The following PPP2R5E variants were observed in gnomAD, a reference collection of about 807,000 sequenced individuals.
The protein encoded by PPP2R5E is serine/threonine-protein phosphatase 2A 56 kDa regulatory subunit epsilon isoform.
A neutral mutation model predicts 65.3 loss-of-function variants in PPP2R5E; 4 were observed. The ratio of observed to expected loss-of-function variants is 0.06; its 90% CI spans 0.03 to 0.14. PPP2R5E has a LOEUF of 0.14. Ranked by LOEUF, PPP2R5E falls within the 10% of genes least tolerant of loss-of-function variation. The probability of loss-of-function intolerance (pLI) is 1.00; values close to 1 mark genes in which losing one functional copy is unlikely to be tolerated. For missense variants in PPP2R5E, 274 were observed against 556.1 expected, an observed-to-expected ratio of 0.49 and a Z score of 5.10; for synonymous variants, 183 against 187.4, an observed-to-expected ratio of 0.98 and a Z score of 0.19.
chr14:63,415,780 C>T (rs1485487010), intron 4 of PPP2R5E, among the ~76,000 whole-genome samples: 1 of 152,054 alleles, frequency 6.6e-6, no homozygotes, highest in African/African-American at 2.4e-5. Flanking sequence ...TTTAACCAAC[C>T]TCCCAGGCTT....
At chr14:63,489,020 C>T (rs1360269382) in intron 2 of PPP2R5E, among the ~76,000 whole-genome samples, 1 of 151,864 alleles carries the variant, frequency 6.6e-6, no homozygotes, top group Non-Finnish European at 1.5e-5. Context: ...AAATGGAAAC[C>T]CAGAGGCGTT....
intron 5 of PPP2R5E, among the ~76,000 whole-genome samples, chr14:63,400,529 T>C (rs545551033): frequency 1.3e-5 from 2 of 152,228 alleles, no homozygotes; most frequent in South Asian, 4.1e-4. Context: ...AGCAATACAA[T>C]AAATACATAC....
intron 3 of PPP2R5E, chr14:63,452,836 T>C (rs2139475433): frequency 6.6e-6 from 1 of 152,364 alleles, no homozygotes; most frequent in Middle Eastern, 3.4e-3. Flanking sequence ...GCCAGGCAGA[T>C]GTTCCGCAGT....
chr14:63,453,771 G>C lies in PPP2R5E; in HGVS notation c.272C>G (p.Ser91Cys). 6.2e-7 allele frequency: 1 copy of C among 1,612,658 alleles called. No individual in the cohort carries two copies. The highest frequency in any genetic ancestry group is 8.5e-7 in the Non-Finnish European group (1 of 1,179,638). Residue 91 changes from serine to cysteine, a missense_variant, in exon 3 of 14, where the codon TCC becomes TGC. By Grantham distance (112) the Ser-to-Cys change is moderately radical. This residue lies in a region of PPP2R5E where 51 missense variants were observed against 101.1 expected (regional missense o/e 0.50). Coordinates refer to ENST00000337537, the MANE Select transcript of PPP2R5E (RefSeq NM_006246.5). ...GTAGTCCACCAGTTCATTAAGAGTG[G>C]AGCGCTTGTATTCTTTCATTTTAAG... is the stretch of plus-strand genomic sequence containing the variant. ...SDLKMKEYKR[S>C]TLNELVDYIT...
chr14:63,469,903 G>A (rs1890031997), intron 2 of PPP2R5E, among the ~76,000 whole-genome samples: 1 of 152,116 alleles, frequency 6.6e-6, no homozygotes, highest in Admixed American at 6.5e-5. Flanking sequence ...TTATTATTCT[G>A]GGTCAATGGC....
At chr14:63,483,908 C>A (rs1011658111) in intron 2 of PPP2R5E, among the ~76,000 whole-genome samples, 4 of 151,990 alleles carry the variant, frequency 2.6e-5, no homozygotes, top group African/African-American at 9.7e-5. Context: ...TATGGTGAAA[C>A]CCTGTCTCTA....
chr14:63,387,813 A>T (rs57257938), intron 11 of PPP2R5E, among the ~76,000 whole-genome samples: 11,628 of 152,234 alleles, frequency 0.076, 1,493 homozygotes, highest in African/African-American at 0.26. Flanking sequence ...GGTCCTAACC[A>T]GATAATACAG....
chr14:63,458,066 T>C (rs927593944), intron 2 of PPP2R5E, among the ~76,000 whole-genome samples: 1 of 152,196 alleles, frequency 6.6e-6, no homozygotes, highest in Non-Finnish European at 1.5e-5. Context: ...ACCTCCAAGG[T>C]GTTCATTACA....
At chr14:63,493,819 C>G (rs28520636) in intron 2 of PPP2R5E, among the ~76,000 whole-genome samples, 24 of 151,898 alleles carry the variant, frequency 1.6e-4, no homozygotes, top group African/African-American at 5.8e-4. Flanking sequence ...ACTAATTTAG[C>G]TTGTAAACTT....
intron 5 of PPP2R5E, among the ~76,000 whole-genome samples, chr14:63,399,465 C>T (rs1206575930): frequency 7.0e-6 from 1 of 143,540 alleles, no homozygotes; most frequent in Non-Finnish European, 1.5e-5. Flanking sequence ...CTGAAACCTC[C>T]GCCTTCCGGG....
At chr14:63,463,861 G>T (rs1288133365) in intron 2 of PPP2R5E, among the ~76,000 whole-genome samples, 2 of 152,172 alleles carry the variant, frequency 1.3e-5, no homozygotes, top group African/African-American at 4.8e-5. Flanking sequence ...CTCCCAAAGT[G>T]CTGGGATTAC....
In PPP2R5E at chr14:63,383,834, A is replaced by G. The variant is rs74060067; in HGVS notation, c.1202+610T>C. Among the ~76,000 whole-genome samples the G allele has an allele frequency of 3.3e-3, 502 of 152,270 alleles. 1 individual carries two copies. The highest frequency in any genetic ancestry group is 0.012 in the African/African-American group (488 of 41,554). On this transcript the variant is annotated intron_variant, in intron 12 of 13. Transcript: ENST00000337537. ...TCCTTTCCAAGAGATACATATAGCG[A>G]CTGAGTTGGCTGTTAAATAGATCAC...
chr14:63,447,194 T>G (rs1256323819), intron 3 of PPP2R5E, among the ~76,000 whole-genome samples: 1 of 152,238 alleles, frequency 6.6e-6, no homozygotes, highest in Admixed American at 6.5e-5. Flanking sequence ...GCTTTGGCAC[T>G]GATTTCTCCT....
intron 4 of PPP2R5E, among the ~76,000 whole-genome samples, chr14:63,418,347 C>G (rs934791339): frequency 2.6e-5 from 4 of 152,158 alleles, no homozygotes; most frequent in African/African-American, 9.7e-5. Flanking sequence ...TGGCAAAGTG[C>G]TCTCTCCTCT....
chr14:63,382,925 A>ATATG (rs913632909), intron 12 of PPP2R5E, among the ~76,000 whole-genome samples: 40 of 152,012 alleles, frequency 2.6e-4, no homozygotes, highest in African/African-American at 7.5e-4. Context: ...TTATATATAT[A>ATATG]TGTGTATATA....
chr14:63,420,158 G>A (rs558316527), intron 4 of PPP2R5E, among the ~76,000 whole-genome samples: 51 of 152,146 alleles, frequency 3.4e-4, no homozygotes, highest in African/African-American at 1.1e-3. Context: ...GTCTTCTTTC[G>A]AATACAGAGA....
intron 4 of PPP2R5E, among the ~76,000 whole-genome samples, chr14:63,418,878 G>A (rs540929913): frequency 2.6e-3 from 318 of 123,334 alleles, no homozygotes; most frequent in African/African-American, 8.7e-3. Flanking sequence ...AGATGGTCTC[G>A]CTCTGTTGCC....
At chr14:63,522,762 G>A (rs1892990160) in intron 2 of PPP2R5E, among the ~76,000 whole-genome samples, 1 of 150,678 alleles carries the variant, frequency 6.6e-6, no homozygotes, top group Non-Finnish European at 1.5e-5. Context: ...CGCCCCGTCT[G>A]AGAAGTGAGG....
intron 3 of PPP2R5E, chr14:63,452,992 G>A (rs956395082): frequency 6.6e-6 from 1 of 152,154 alleles, no homozygotes; most frequent in African/African-American, 2.4e-5. Flanking sequence ...CCAGCTCCAA[G>A]ATCTTCTGGG....
Sources: gnomAD v4.1 joint callset for allele counts (sites outside exome capture counted in the v4.1 genomes callset) on GRCh38, gnomAD v4.1.1 for gene constraint, gnomAD v4.1.1 regional missense constraint, MANE v1.5 for transcripts, NCBI Gene and HGNC (gene_info 2026-07-23, HGNC 2026-07-21) for gene names.